COL14A1: variants seen among roughly 807,000 people sequenced by gnomAD.
The protein encoded by COL14A1 is collagen alpha-1(XIV) chain.
COL14A1 carries 136 observed loss-of-function variants against 230.3 expected under a neutral mutation model. The observed-to-expected ratio is 0.59, with a 90% CI of 0.51 to 0.68. The LOEUF is 0.68. Ranked by LOEUF, COL14A1 falls within the 30% of genes least tolerant of loss-of-function variation. The pLI, the probability that COL14A1 is intolerant of heterozygous loss-of-function variation, is 0.00. For synonymous variants in COL14A1, 792 were observed against 784.1 expected, an observed-to-expected ratio of 1.01 and a Z score of -0.17; for missense variants, 1,976 against 2,215.8, an observed-to-expected ratio of 0.89 and a Z score of 2.17.
At chr8:120,349,580 G>A (rs1279554333) in intron 45 of COL14A1, among the ~76,000 whole-genome samples, 4 of 139,226 alleles carry the variant, frequency 2.9e-5, no homozygotes, top group Non-Finnish European at 6.1e-5. Context: ...CGAGAACTAC[G>A]TGAAGAATGC....
At chr8:120,221,614 G>T (rs965015900) in intron 14 of COL14A1, among the ~76,000 whole-genome samples, 1 of 151,324 alleles carries the variant, frequency 6.6e-6, no homozygotes, top group Non-Finnish European at 1.5e-5. Flanking sequence ...TTCCTCTTTG[G>T]TGTACCTAAG....
chr8:120,178,885 G>A (rs1374370119), intron 5 of COL14A1, among the ~76,000 whole-genome samples: 1 of 151,594 alleles, frequency 6.6e-6, no homozygotes, highest in African/African-American at 2.4e-5. Flanking sequence ...CTTTTCAAAA[G>A]TGTCTGTTTA....
intron 35 of COL14A1, among the ~76,000 whole-genome samples, chr8:120,298,555 G>A (rs1285921117): frequency 2.4e-5 from 3 of 126,448 alleles, no homozygotes; most frequent in African/African-American, 9.0e-5. Flanking sequence ...TCCTATATAA[G>A]CATAATTTCT....
At chr8:120,294,686 C>T (rs1458560778) in intron 34 of COL14A1, among the ~76,000 whole-genome samples, 6 of 151,362 alleles carry the variant, frequency 4.0e-5, no homozygotes, top group Admixed American at 1.3e-4. Context: ...CTTTTTTTCT[C>T]TTTTAATCAA....
chr8:120,309,597 G>C (rs567516822), intron 36 of COL14A1, among the ~76,000 whole-genome samples: 1 of 152,190 alleles, frequency 6.6e-6, no homozygotes, highest in East Asian at 1.9e-4. Flanking sequence ...AAGAAAATCA[G>C]GTTGTTGCTA....
chr8:120,188,840 T>C (rs936475238), intron 5 of COL14A1, among the ~76,000 whole-genome samples: 1 of 152,264 alleles, frequency 6.6e-6, no homozygotes, highest in African/African-American at 2.4e-5. Context: ...CTTTATATTA[T>C]AGATTTAAAC....
At chr8:120,208,466 C>T (rs992357856) in intron 11 of COL14A1, 105 bp downstream of exon 11, 11 of 1,225,506 alleles carry the variant, frequency 9.0e-6, no homozygotes, top group Admixed American at 4.4e-5. Context: ...CATCCTGAAT[C>T]GAATTCAATC....
At chr8:120,197,962 A>G (rs865996224) in intron 7 of COL14A1, 32 bp downstream of exon 7, 33 of 1,604,416 alleles carry the variant, frequency 2.1e-5, no homozygotes, top group African/African-American at 5.4e-5. Context: ...TTATAACAAC[A>G]TATCTTTTTG....
At chr8:120,200,767 T>TATATATATATA (rs1554606076) in intron 8 of COL14A1, among the ~76,000 whole-genome samples, 5 of 104,202 alleles carry the variant, frequency 4.8e-5, no homozygotes, top group Non-Finnish European at 8.5e-5. Context: ...ATATATATAT[T>TATATATATATA]ATTTTTCATC....
At chr8:120,224,435 G>T (rs531500661) in intron 14 of COL14A1, among the ~76,000 whole-genome samples, 14 of 152,136 alleles carry the variant, frequency 9.2e-5, no homozygotes, top group African/African-American at 3.1e-4. Context: ...TGTTGCTCCC[G>T]TGAAGCCCAA....
At chr8:120,283,534 T>A (rs1278764495) in intron 31 of COL14A1, 102 bp from the exon 32 acceptor site, 13 of 1,297,334 alleles carry the variant, frequency 1.0e-5, no homozygotes, top group Non-Finnish European at 1.4e-5. Flanking sequence ...TCTTTTCTGT[T>A]TTTCCAAATC....
At chr8:120,252,530 T>C (rs1470001393) in intron 22 of COL14A1, among the ~76,000 whole-genome samples, 3 of 152,176 alleles carry the variant, frequency 2.0e-5, no homozygotes, top group Non-Finnish European at 4.4e-5. Flanking sequence ...AGTCATGGTA[T>C]TGTCAAAAGA....
intron 26 of COL14A1, 149 bp from the exon 27 acceptor site, chr8:120,277,962 A>G: frequency 3.1e-6 from 2 of 655,128 alleles, no homozygotes; most frequent in East Asian, 3.0e-5. Flanking sequence ...CAAATTTGGT[A>G]TGTAACTTGT....
chr8:120,316,972 T>C (rs1821256261), intron 40 of COL14A1, among the ~76,000 whole-genome samples: 1 of 152,142 alleles, frequency 6.6e-6, no homozygotes, highest in African/African-American at 2.4e-5. Flanking sequence ...AAATCATCTA[T>C]TTTTTCCAAC....
chr8:120,220,091 C>T (rs370549164), intron 14 of COL14A1, among the ~76,000 whole-genome samples: 34 of 151,878 alleles, frequency 2.2e-4, no homozygotes, highest in African/African-American at 7.7e-4. Context: ...ATTACTGTAC[C>T]TAATTTTAGA....
chr8:120,325,877 A>G (rs1259159073), intron 40 of COL14A1, among the ~76,000 whole-genome samples: 1 of 152,132 alleles, frequency 6.6e-6, no homozygotes, highest in Non-Finnish European at 1.5e-5. Context: ...AAATTTATAG[A>G]TATAGAAAGG....
chr8:120,246,216 C>A (rs1048263911), intron 20 of COL14A1, among the ~76,000 whole-genome samples: 2 of 152,108 alleles, frequency 1.3e-5, no homozygotes, highest in Admixed American at 6.5e-5. Context: ...GGCATCTCTC[C>A]CTCCTCCCGT....
chr8:120,358,082 A>G (rs1450324123), intron 45 of COL14A1, among the ~76,000 whole-genome samples: 2 of 152,248 alleles, frequency 1.3e-5, no homozygotes, highest in Non-Finnish European at 2.9e-5. Flanking sequence ...ATAATAAGCT[A>G]TAACTAGTGT....
intron 1 of COL14A1, among the ~76,000 whole-genome samples, chr8:120,134,235 A>C (rs1176040184): frequency 1.3e-5 from 2 of 152,092 alleles, no homozygotes; most frequent in South Asian, 4.1e-4. Flanking sequence ...ACCTAGTCAA[A>C]AATAATCAGA....
Sources: gnomAD v4.1 joint callset for allele counts (sites outside exome capture counted in the v4.1 genomes callset) on GRCh38, gnomAD v4.1.1 for gene constraint, MANE v1.5 for transcripts, NCBI Gene and HGNC (gene_info 2026-07-23, HGNC 2026-07-21) for gene names.